Variants in ZRANB3 observed in about 807,000 individuals in gnomAD.
ZRANB3 encodes the protein zinc finger RANBP2-type containing 3, also known as DNA annealing helicase and endonuclease ZRANB3.
In ZRANB3, 125 loss-of-function variants were observed where a neutral mutation model predicts 133.8. The ratio of observed to expected loss-of-function variants is 0.93; its 90% CI spans 0.81 to 1.08. The LOEUF (loss-of-function observed/expected upper bound fraction) is 1.08. ZRANB3 is among the 50% of genes least tolerant of loss of function. The pLI, the probability that ZRANB3 is intolerant of heterozygous loss-of-function variation, is 0.00. For missense variants in ZRANB3, 1,229 were observed against 1,275.5 expected (o/e 0.96, Z 0.56); for synonymous variants, 387 against 432.7 (o/e 0.89, Z 1.31).
intron 2 of ZRANB3, among the ~76,000 whole-genome samples, chr2:135,499,092 C>T (rs1238546157): frequency 1.3e-5 from 2 of 152,122 alleles, no homozygotes; most frequent in African/African-American, 4.8e-5. Context: ...TAAAAACTTG[C>T]TGGTTTTGCA....
At chr2:135,371,939 G>A (rs1198083271) in intron 3 of ZRANB3, among the ~76,000 whole-genome samples, 1 of 152,082 alleles carries the variant, frequency 6.6e-6, no homozygotes, top group Non-Finnish European at 1.5e-5. Context: ...ACTTTGGGAG[G>A]CCAAGGCAGG....
chr2:135,218,973 G>T, intron 16 of ZRANB3, 104 bp downstream of exon 16: 1 of 749,808 alleles, frequency 1.3e-6, no homozygotes, highest in Non-Finnish European at 2.0e-6. Context: ...TCTACAACAT[G>T]CCACAAAGTG....
chr2:135,289,270 T>C (rs531689150), intron 8 of ZRANB3, among the ~76,000 whole-genome samples: 1 of 152,254 alleles, frequency 6.6e-6, no homozygotes, highest in African/African-American at 2.4e-5. Context: ...CTTTTTTTGT[T>C]TTTAAGACGG....
chr2:135,446,372 G>A (rs566026533), intron 2 of ZRANB3, among the ~76,000 whole-genome samples: 30 of 152,232 alleles, frequency 2.0e-4, no homozygotes, highest in Admixed American at 1.2e-3. Flanking sequence ...CCTTGGAAAC[G>A]GAGGAAGCAG....
At chr2:135,372,408 C>T (rs1308081115) in intron 3 of ZRANB3, among the ~76,000 whole-genome samples, 1 of 152,086 alleles carries the variant, frequency 6.6e-6, no homozygotes, top group Non-Finnish European at 1.5e-5. Context: ...AATCCCCAAA[C>T]CCACTTAAAG....
At chr2:135,323,239 G>C (rs1391375566) in intron 6 of ZRANB3, among the ~76,000 whole-genome samples, 1 of 152,082 alleles carries the variant, frequency 6.6e-6, no homozygotes, top group Non-Finnish European at 1.5e-5. Flanking sequence ...GATAGAATTG[G>C]GGGAAAATTT....
At chr2:135,506,901 T>C (rs1693214421) in intron 1 of ZRANB3, among the ~76,000 whole-genome samples, 1 of 152,238 alleles carries the variant, frequency 6.6e-6, no homozygotes, top group Non-Finnish European at 1.5e-5. Context: ...GAGTCAGTTC[T>C]GTCTGAATAA....
chr2:135,454,773 C>A lies in ZRANB3; in HGVS notation c.161+49556G>T, dbSNP rs1036345092. On this transcript the variant is annotated intron_variant, in intron 2 of 20. Coordinates refer to ENST00000264159, the MANE Select transcript of ZRANB3 (RefSeq NM_032143.4). ...GTTGCTGCAAAAGACATTTTTCATT[C>A]TTTTTCATGGCTGAGTAGTATTCCA... 2.6e-5 allele frequency among the ~76,000 whole-genome samples: 4 copies of A among 152,162 alleles called. No individual in the cohort carries two copies. In the East Asian group the frequency reaches 5.8e-4, roughly 22 times the overall value.
Position 135,390,839 on chromosome 2 carries a change from A to C in ZRANB3, c.162-19T>G, listed in dbSNP as rs1478465292. 5.9e-6 allele frequency: 9 copies of C among 1,519,324 alleles called. No individual in the cohort carries two copies. In the South Asian group the frequency reaches 1.2e-4, roughly 20 times the overall value. The allele number at this position is 1,519,324 out of a possible 1,614,324, so 94.1% of individuals were successfully genotyped here. A position where few individuals can be genotyped will look rare whatever the true frequency, so the allele number is the denominator to read the frequency against. ...CATACACCTGGAAAAAAAAAAAAAA[A>C]AAAATTAATTATCAGAGTGAACCTT... is the stretch of plus-strand genomic sequence containing the variant. On this transcript the variant is annotated intron_variant, in intron 2 of 20. Coordinates refer to ENST00000264159, the MANE Select transcript of ZRANB3 (RefSeq NM_032143.4).
chr2:135,299,341 T>C (rs1312862393), intron 8 of ZRANB3, among the ~76,000 whole-genome samples: 1 of 152,144 alleles, frequency 6.6e-6, no homozygotes, highest in East Asian at 1.9e-4. Flanking sequence ...AAGGCCAGTC[T>C]CACTCCCACT....
intron 1 of ZRANB3, among the ~76,000 whole-genome samples, chr2:135,513,996 T>G (rs578249747): frequency 6.6e-6 from 1 of 152,198 alleles, no homozygotes; most frequent in Non-Finnish European, 1.5e-5. Flanking sequence ...TTGGTTTATA[T>G]ATCTCTTTTG....
intron 2 of ZRANB3, among the ~76,000 whole-genome samples, chr2:135,479,108 CTT>C (rs551277897): frequency 2.8e-5 from 4 of 142,852 alleles, no homozygotes; most frequent in Non-Finnish European, 1.5e-5. Context: ...CTGGTATTGT[CTT>C]TTTTTTTTTT....
intron 2 of ZRANB3, among the ~76,000 whole-genome samples, chr2:135,423,944 TCA>T (rs1688966895): frequency 1.3e-5 from 2 of 152,160 alleles, no homozygotes; most frequent in Admixed American, 1.3e-4. Context: ...CCTCATTTAG[TCA>T]GGGTGCTTCT....
intron 12 of ZRANB3, among the ~76,000 whole-genome samples, chr2:135,249,290 G>T (rs781754797): frequency 6.6e-6 from 1 of 152,220 alleles, no homozygotes; most frequent in Non-Finnish European, 1.5e-5. Flanking sequence ...AAAGGCACAT[G>T]CACAGGAATG....
chr2:135,356,394 A>AAT (rs1342343198), intron 3 of ZRANB3, among the ~76,000 whole-genome samples: 1 of 152,138 alleles, frequency 6.6e-6, no homozygotes, highest in African/African-American at 2.4e-5. Flanking sequence ...GTACACCATA[A>AAT]ATATATATAA....
At chr2:135,328,030 G>C (rs977575032) in intron 6 of ZRANB3, among the ~76,000 whole-genome samples, 7 of 151,748 alleles carry the variant, frequency 4.6e-5, no homozygotes, top group Admixed American at 2.0e-4. Flanking sequence ...AAGCACTTCA[G>C]TTGACTTTTA....
chr2:135,529,805 G>C (rs1251004018), intron 1 of ZRANB3, among the ~76,000 whole-genome samples: 1 of 151,148 alleles, frequency 6.6e-6, no homozygotes, highest in East Asian at 2.0e-4. Flanking sequence ...CTGAGCCACC[G>C]CGCCTGTCTG....
chr2:135,363,246 G>A (rs1275662440), intron 3 of ZRANB3, among the ~76,000 whole-genome samples: 1 of 152,078 alleles, frequency 6.6e-6, no homozygotes. Context: ...ATAGTTCATT[G>A]TAACCTCAAA....
intron 5 of ZRANB3, among the ~76,000 whole-genome samples, chr2:135,347,494 CCTTGGT>C (rs1244126991): frequency 6.6e-6 from 1 of 152,016 alleles, no homozygotes; most frequent in Non-Finnish European, 1.5e-5. Flanking sequence ...CTGGGTTTCA[CCTTGGT>C]CTTGATCTCC....
Sources: gnomAD v4.1 joint callset for allele counts (sites outside exome capture counted in the v4.1 genomes callset) on GRCh38, gnomAD v4.1.1 for gene constraint, MANE v1.5 for transcripts, NCBI Gene and HGNC (gene_info 2026-07-23, HGNC 2026-07-21) for gene names.